Variants in BEAN1 observed in about 807,000 individuals in gnomAD.
BEAN1 encodes protein BEAN1.
BEAN1 carries 17 observed loss-of-function variants against 17.7 expected under a neutral mutation model. The ratio of observed to expected loss-of-function variants is 0.96; its 90% confidence interval spans 0.66 to 1.44. BEAN1 has a LOEUF of 1.44. Ranked by LOEUF, BEAN1 falls within the 40% of genes most tolerant of loss-of-function variation. The pLI, the probability that BEAN1 is intolerant of heterozygous loss-of-function variation, is 0.00. For synonymous variants in BEAN1, 142 were observed against 151.8 expected (o/e 0.94, Z 0.47); for missense variants, 359 against 374.1 (o/e 0.96, Z 0.33).
chr16:66,477,514 C>A, intron 3 of BEAN1, 46 bp from the exon 4 acceptor site: 1 of 1,481,748 alleles, frequency 6.7e-7, no homozygotes, highest in Non-Finnish European at 9.0e-7. Flanking sequence ...AAGGACCATC[C>A]CTGGATCCTG....
intron 2 of BEAN1, chr16:66,451,049 C>G (rs1388659337): frequency 6.5e-6 from 1 of 153,312 alleles, no homozygotes; most frequent in Admixed American, 6.5e-5. Flanking sequence ...CATCACCAGA[C>G]ATATTATACT....
chr16:66,462,297 G>T (rs1202919791), intron 2 of BEAN1, among the ~76,000 whole-genome samples: 1 of 152,270 alleles, frequency 6.6e-6, no homozygotes, highest in African/African-American at 2.4e-5. Flanking sequence ...GTAGCCAAGG[G>T]AATAAAAATT....
intron 4 of BEAN1, 126 bp from the exon 5 acceptor site, chr16:66,480,460 C>A: frequency 1.4e-6 from 1 of 707,406 alleles, no homozygotes; most frequent in Non-Finnish European, 2.3e-6. Flanking sequence ...TTGGAGCCAG[C>A]GTGGACAAGG....
chr16:66,448,228 G>T (rs72788575), intron 2 of BEAN1, among the ~76,000 whole-genome samples: 25 of 58,182 alleles, frequency 4.3e-4, no homozygotes, highest in African/African-American at 6.4e-4. Context: ...TGTTGTTGTT[G>T]TTTGTTGTTG....
intron 4 of BEAN1, among the ~76,000 whole-genome samples, chr16:66,491,095 C>G (rs1479637008): frequency 2.0e-5 from 3 of 152,202 alleles, no homozygotes; most frequent in Non-Finnish European, 4.4e-5. Context: ...TGAGACCCTC[C>G]TGGGCAACAT....
chr16:66,485,124 C>A (rs990989477), downstream of BEAN1: 9 of 453,686 alleles, frequency 2.0e-5, no homozygotes, highest in Admixed American at 1.4e-4. Flanking sequence ...CAGAGTAAGG[C>A]TGTTCACAGC....
At chr16:66,488,538 AAACT>A (rs1390697713) in intron 4 of BEAN1, among the ~76,000 whole-genome samples, 15 of 148,196 alleles carry the variant, frequency 1.0e-4, no homozygotes, top group Non-Finnish European at 1.9e-4. Flanking sequence ...AAAAAAAAAA[AAACT>A]GTTTTAATTA....
Position 66,469,612 on chromosome 16 carries a change from C to G in BEAN1, c.36C>G (p.Tyr12Ter). 6.5e-7 allele frequency: 1 copy of G among 1,535,912 alleles called. No homozygotes were observed. The highest frequency in any genetic ancestry group is 8.7e-7 in the Non-Finnish European group (1 of 1,146,704). ...SFKRPCPLAR[Y>*]NRTSYFYPTF... The stretch of plus-strand genomic sequence containing the variant: ...TCTCTCTGTCCACAGTAGCACGATA[C>G]AACCGCACCAGCTACTTCTACCCCA... The change falls in exon 3 of 5, where the codon TAC (tyrosine) becomes TAG (stop). Residue 12 changes from tyrosine to a stop codon, truncating the protein, a stop_gained. Coordinates refer to ENST00000536005, the MANE Select transcript of BEAN1 (RefSeq NM_001178020.3). LOFTEE classifies it high-confidence loss of function.
chr16:66,487,502 C>T (rs2142483988), downstream of BEAN1, among the ~76,000 whole-genome samples: 3 of 152,254 alleles, frequency 2.0e-5, no homozygotes, highest in Admixed American at 2.0e-4. Flanking sequence ...GTGCTTCCTG[C>T]CAGTCACACA....
intron 2 of BEAN1, among the ~76,000 whole-genome samples, chr16:66,459,894 C>A (rs977784984): frequency 2.0e-5 from 3 of 152,218 alleles, no homozygotes; most frequent in African/African-American, 7.2e-5. Flanking sequence ...CGACACTCTG[C>A]CACTCCTTGT....
In BEAN1 at chr16:66,434,133, G is replaced by T. The variant is rs995724809; in HGVS notation, c.-82-3462G>T. Among the ~76,000 whole-genome samples the T allele has an allele frequency of 6.6e-6, 1 of 152,194 alleles. No homozygotes were observed. Among genetic ancestry groups the T allele is most frequent in the Non-Finnish European group, 1.5e-5 (1 of 68,038 alleles). On this transcript the variant is annotated intron_variant, in intron 1 of 4. Coordinates refer to ENST00000536005, the MANE Select transcript of BEAN1 (RefSeq NM_001178020.3). This position sits in a 1 kb window ranked among gnomAD's most constrained non-coding sequence, Gnocchi z 4.3. ...TGAGTCACTGGCAGGAGCGAGCCTCGCATGCTGGGCTCAAAGAGAGGCGGG... is the reference window on the plus strand; with the variant it reads ...TGAGTCACTGGCAGGAGCGAGCCTCTCATGCTGGGCTCAAAGAGAGGCGGG...
At chr16:66,444,146 C>T (rs1020682811) in intron 2 of BEAN1, among the ~76,000 whole-genome samples, 16 of 152,236 alleles carry the variant, frequency 1.1e-4, no homozygotes, top group African/African-American at 3.9e-4. Flanking sequence ...AGCTCACTGT[C>T]CCTGGTGGCA....
intron 2 of BEAN1, among the ~76,000 whole-genome samples, chr16:66,454,360 A>G (rs908430527): frequency 6.6e-6 from 1 of 152,172 alleles, no homozygotes; most frequent in African/African-American, 2.4e-5. Flanking sequence ...TGAATTATCT[A>G]TATCTTCTTT....
intron 2 of BEAN1, among the ~76,000 whole-genome samples, chr16:66,453,414 A>T (rs917750994): frequency 6.6e-6 from 1 of 152,082 alleles, no homozygotes; most frequent in African/African-American, 2.4e-5. Flanking sequence ...GCTGGAGTGC[A>T]GTGGTGCAAT....
At chr16:66,430,073 T>C (rs1961739625) in intron 1 of BEAN1, among the ~76,000 whole-genome samples, 1 of 152,190 alleles carries the variant, frequency 6.6e-6, no homozygotes, top group Non-Finnish European at 1.5e-5. Flanking sequence ...GAGCAGTTTT[T>C]TGGAGCTGGA....
intron 4 of BEAN1, chr16:66,478,165 T>TG (rs1015800176): frequency 6.5e-6 from 1 of 154,140 alleles, no homozygotes. Context: ...CACCAGGGAC[T>TG]GGGGGGTAAA....
At chr16:66,476,109 CAA>C (rs543784605) in intron 3 of BEAN1, among the ~76,000 whole-genome samples, 24 of 83,238 alleles carry the variant, frequency 2.9e-4, no homozygotes, top group Admixed American at 5.6e-4. Context: ...GACTCCGTCT[CAA>C]AAAAAAAAAA....
chr16:66,457,021 C>T (rs1368906706), intron 2 of BEAN1, among the ~76,000 whole-genome samples: 7 of 152,204 alleles, frequency 4.6e-5, no homozygotes, highest in Non-Finnish European at 8.8e-5. Flanking sequence ...CTCCTGTTCA[C>T]TCTGACACAT....
intron 2 of BEAN1, among the ~76,000 whole-genome samples, chr16:66,442,102 A>G (rs1962281825): frequency 6.6e-6 from 1 of 152,182 alleles, no homozygotes; most frequent in South Asian, 2.1e-4. Context: ...CAAGAGGGAG[A>G]TCAGTTTCTC....
Sources: allele counts gnomAD v4.1 joint callset (sites outside exome capture counted in the v4.1 genomes callset), GRCh38; gene constraint gnomAD v4.1.1; non-coding constraint Gnocchi (gnomAD v3.1); transcripts MANE v1.5; gene names NCBI Gene and HGNC (gene_info 2026-07-23, HGNC 2026-07-21).